The following ATP8B3 variants were observed in gnomAD, a reference collection of about 807,000 sequenced individuals.
The protein encoded by ATP8B3 is ATPase phospholipid transporting 8B3, also known as phospholipid-transporting ATPase IK.
In ATP8B3, 141 loss-of-function variants were observed where a neutral mutation model predicts 140.9. The ratio of observed to expected loss-of-function variants is 1.00; its 90% CI spans 0.87 to 1.15. ATP8B3 has a LOEUF of 1.15. ATP8B3 is among the 50% of genes most tolerant of loss of function. The pLI is 0.00. For missense variants in ATP8B3, 1,874 were observed against 1,740.6 expected (o/e 1.08, Z -1.36); for synonymous variants, 765 against 714.6 (o/e 1.07, Z -1.13).
At chr19:1,802,081 AC>A in intron 11 of ATP8B3, 37 bp from the exon 12 acceptor site, 1 of 888,568 alleles carries the variant, frequency 1.1e-6, no homozygotes. Context: ...CCACCCACCC[AC>A]CCATCCACCC....
chr19:1,797,020 A>G lies in ATP8B3; in HGVS notation c.1553-15T>C. ...TGAATCCGGCCCTGGGGAAAGACAC[A>G]GCTTCCTGCTTCAGCTCCCACAGGC... On this transcript the variant is annotated splice_polypyrimidine_tract_variant and intron_variant, in intron 14 of 28. Transcript: ENST00000310127. 5 of 1,612,940 alleles carry G rather than the reference A, an allele frequency of 3.1e-6. No homozygotes were observed. Among genetic ancestry groups the G allele is most frequent in the Non-Finnish European group, 3.4e-6 (4 of 1,179,772 alleles).
chr19:1,802,077 A>ATC (rs2068861821), intron 11 of ATP8B3, 33 bp from the exon 12 acceptor site: 4 of 930,780 alleles, frequency 4.3e-6, no homozygotes, highest in African/African-American at 8.6e-5. Context: ...CCACCCACCC[A>ATC]CCCACCCATC....
In ATP8B3 at chr19:1,795,773, C is replaced by T. The variant is rs1006356036; in HGVS notation, c.2055+102G>A. On this transcript the variant is annotated intron_variant, in intron 18 of 28. Coordinates refer to ENST00000310127, the MANE Select transcript of ATP8B3 (RefSeq NM_138813.4). The stretch of plus-strand genomic sequence containing the variant: ...ACAGTCTCCTCCCCTGCCTCCTCCT[C>T]CTCCTGTCCCTACACACACACACAC... 6 of 1,184,256 alleles carry T rather than the reference C, an allele frequency of 5.1e-6. No individual in the cohort carries two copies. In the African/African-American group the frequency reaches 9.2e-5, roughly 18 times the overall value. 73.4% of individuals were successfully genotyped at this position (1,184,256 alleles called of 1,614,324 possible). A position where few individuals can be genotyped will look rare whatever the true frequency, so the allele number is the denominator to read the frequency against.
In ATP8B3 at chr19:1,811,744, A is replaced by C. The variant is rs1197966513; in HGVS notation, c.-8T>G. On this transcript the variant is annotated 5_prime_UTR_variant, in exon 2 of 29. An upstream start codon of the reference 5' UTR is lost. Transcript: ENST00000310127. ...AGCGGGGCCAGTGCCCATTCACCGC[A>C]TGAGGAAAAGGGAGGTTCAGGGCGA... is the stretch of plus-strand genomic sequence containing the variant. 1.3e-6 allele frequency: 2 copies of C among 1,580,190 alleles called. No homozygotes were observed. The highest frequency in any genetic ancestry group is 3.4e-5 in the Admixed American group (2 of 58,494).
In ATP8B3 at chr19:1,805,567, G is replaced by T. The variant is rs148050253; in HGVS notation, c.822-111C>A. 3 of 957,250 alleles carry T rather than the reference G, an allele frequency of 3.1e-6. No individual in the cohort carries two copies. The highest frequency in any genetic ancestry group is 3.3e-5 in the African/African-American group (2 of 61,446). The allele number at this position is 957,250 out of a possible 1,614,324, so 59.3% of individuals were successfully genotyped here. Reference sequence around the variant, plus strand: ...ATTTTCACTGAGCACCTACTAGTTCGCCAGCTGCCAGTCAGATGGCTGAGG... The same window carrying T: ...ATTTTCACTGAGCACCTACTAGTTCTCCAGCTGCCAGTCAGATGGCTGAGG... On this transcript the variant is annotated intron_variant, in intron 9 of 28. Coordinates refer to ENST00000310127, the MANE Select transcript of ATP8B3 (RefSeq NM_138813.4). The surrounding 1 kb of genome is among the most constrained non-coding windows in gnomAD (Gnocchi z 5.2).
chr19:1,796,646 G>A lies in ATP8B3; in HGVS notation c.1753+65C>T. The A allele has an allele frequency of 1.9e-6, 3 of 1,547,834 alleles. No individual in the cohort carries two copies. In the South Asian group the frequency reaches 3.6e-5, roughly 18 times the overall value. On this transcript the variant is annotated intron_variant, in intron 16 of 28. Transcript: ENST00000310127. ...GAAGATGGGCCGGGTGAGCTGCGGG[G>A]CTGGGGACACTGCCGTGCCCCGGGG...
chr19:1,807,532 C>G lies in ATP8B3; in HGVS notation c.517-266G>C, dbSNP rs1025992860. On this transcript the variant is annotated intron_variant, in intron 5 of 28. Coordinates refer to ENST00000310127, the MANE Select transcript of ATP8B3 (RefSeq NM_138813.4). This position sits in a 1 kb window ranked among gnomAD's most constrained non-coding sequence, Gnocchi z 5.9. ...AAGCCCAGCTCCCACGGTGCCTTCTCCAGGGAGCCTCCCCCAGCCCCAAGC... is the reference window on the plus strand; with the variant it reads ...AAGCCCAGCTCCCACGGTGCCTTCTGCAGGGAGCCTCCCCCAGCCCCAAGC... Among the ~76,000 whole-genome samples, 7 of 152,182 alleles carry G rather than the reference C, an allele frequency of 4.6e-5. No individual in the cohort carries two copies. The highest frequency in any genetic ancestry group is 1.7e-4 in the African/African-American group (7 of 41,452).
At chr19:1,801,864 T>G (rs1464214392) in intron 12 of ATP8B3, 92 bp downstream of exon 12, 1 of 977,070 alleles carries the variant, frequency 1.0e-6, no homozygotes, top group African/African-American at 1.6e-5. Flanking sequence ...CCGCACATTT[T>G]GCAGAAGAAG....
rs1294296509 is a variant in ATP8B3, at chr19:1,806,734, T to C, written c.616-45A>G. ...ATCAGAGAGACCGTCCAGCCTCTCC[T>C]GCCCCCGCCCAGGCCGCTGCCGCAC... On this transcript the variant is annotated intron_variant, in intron 6 of 28. Coordinates refer to ENST00000310127, the MANE Select transcript of ATP8B3 (RefSeq NM_138813.4). This position sits in a 1 kb window ranked among gnomAD's most constrained non-coding sequence, Gnocchi z 5.6. 4 of 1,543,426 alleles carry C rather than the reference T, an allele frequency of 2.6e-6. No homozygotes were observed. The South Asian group carries it at 4.8e-5, about 18-fold the overall frequency.
intron 21 of ATP8B3, among the ~76,000 whole-genome samples, 179 bp from the exon 22 acceptor site, chr19:1,790,168 C>A: frequency 9.0e-6 from 1 of 111,398 alleles, no homozygotes; most frequent in African/African-American, 3.5e-5. Context: ...CCCTCCCCTT[C>A]CCCTCCACTG....
In ATP8B3 at chr19:1,802,508, A is replaced by G; in HGVS notation, c.1042T>C (p.Tyr348His). The change falls in exon 11 of 29, where the codon TAT (tyrosine) becomes CAT (histidine). Residue 348 changes from tyrosine to histidine, a missense_variant. Physicochemically the swap from Tyr to His is moderately conservative, Grantham distance 83. Around this residue, in one of 3 missense-constraint regions of ATP8B3, gnomAD observed 1,032 missense variants for 963.6 expected, o/e 1.07. Coordinates refer to ENST00000310127, the MANE Select transcript of ATP8B3 (RefSeq NM_138813.4). ...GCRIRNTDTCYGLVIYAGFDT... is the reference protein window; with the variant it reads ...GCRIRNTDTCHGLVIYAGFDT... ...GTACCAGCATAAATGACCAGTCCAT[A>G]GCAGGTGTCTGTGTTGCGAATCCTG... is the stretch of plus-strand genomic sequence containing the variant. 6.3e-7 allele frequency: 1 copy of G among 1,598,330 alleles called. No homozygotes were observed.
chr19:1,789,856 C>T (rs1255047407), intron 22 of ATP8B3, 34 bp downstream of exon 22: 4 of 1,607,362 alleles, frequency 2.5e-6, no homozygotes, highest in African/African-American at 2.7e-5. Context: ...TCCCTGGCGC[C>T]GGGACCCCGC....
chr19:1,785,075 G>A (rs527951485), intron 27 of ATP8B3, 84 bp downstream of exon 27: 23 of 1,481,680 alleles, frequency 1.6e-5, no homozygotes, highest in African/African-American at 2.8e-5. Context: ...TTTGCCGGAC[G>A]ACTGTCATGA....
intron 18 of ATP8B3, among the ~76,000 whole-genome samples, chr19:1,792,751 G>A (rs867825288): frequency 2.5e-4 from 38 of 151,312 alleles, no homozygotes; most frequent in African/African-American, 8.5e-4. Context: ...GTCTCCACTC[G>A]AAACACATAA....
rs2068980458 is a variant in ATP8B3 at position 1,805,446 on chromosome 19, A to G, written c.832T>C (p.Leu278=). 2.6e-6 allele frequency: 4 copies of G among 1,562,932 alleles called. No homozygotes were observed. Among genetic ancestry groups the G allele is most frequent in the African/African-American group, 2.7e-5 (2 of 73,906 alleles). ...ETVDIDGETN[L]KFRQALMVTH... Reference sequence around the variant, plus strand: ...ACCATCAGGGCCTGTCTGAACTTCAAGTTGGTCTCCCTGGTGACGAGGAGA... The same window carrying G: ...ACCATCAGGGCCTGTCTGAACTTCAGGTTGGTCTCCCTGGTGACGAGGAGA... Residue 278 remains leucine, a synonymous_variant, in exon 10 of 29, where the codon TTG becomes CTG. Transcript: ENST00000310127. This position sits in a 1 kb window ranked among gnomAD's most constrained non-coding sequence, Gnocchi z 5.2.
chr19:1,782,970 A>T lies in ATP8B3; in HGVS notation c.*58T>A. On this transcript the variant is annotated 3_prime_UTR_variant, in exon 29 of 29. Coordinates refer to ENST00000310127, the MANE Select transcript of ATP8B3 (RefSeq NM_138813.4). ...GGGGGGAGCTGTACTTCCTGGGAGG[A>T]CACCTGCCCCTGTGGCTGGTGCTTC... 3.2e-6 allele frequency: 5 copies of T among 1,547,500 alleles called. No individual in the cohort carries two copies. The highest frequency in any genetic ancestry group is 4.4e-6 in the Non-Finnish European group (5 of 1,144,014).
intron 18 of ATP8B3, among the ~76,000 whole-genome samples, chr19:1,793,635 G>A (rs1250680487): frequency 6.6e-6 from 1 of 152,230 alleles, no homozygotes; most frequent in African/African-American, 2.4e-5. Flanking sequence ...AGGGTGGTCG[G>A]GGGGTCCCCA....
In ATP8B3 at chr19:1,806,079, G is replaced by C; in HGVS notation, c.750+18C>G. ...GGGGGCGCGTGGTTCTGGGACCTCGGGGTCAACCCCAGCTCACTGGGACGA... is the reference window on the plus strand; with the variant it reads ...GGGGGCGCGTGGTTCTGGGACCTCGCGGTCAACCCCAGCTCACTGGGACGA... On this transcript the variant is annotated intron_variant, in intron 8 of 28. Coordinates refer to ENST00000310127, the MANE Select transcript of ATP8B3 (RefSeq NM_138813.4). The surrounding 1 kb of genome is among the most constrained non-coding windows in gnomAD (Gnocchi z 5.6). 1 of 1,601,960 alleles carries C rather than the reference G, an allele frequency of 6.2e-7. No homozygotes were observed. Among genetic ancestry groups the C allele is most frequent in the Non-Finnish European group, 8.5e-7 (1 of 1,174,842 alleles).
chr19:1,807,102 G>T lies in ATP8B3; in HGVS notation c.615+66C>A. 1 of 1,422,480 alleles carries T rather than the reference G, an allele frequency of 7.0e-7. No individual in the cohort carries two copies. Among genetic ancestry groups the T allele is most frequent in the Non-Finnish European group, 9.9e-7 (1 of 1,011,256 alleles). 88.1% of individuals were successfully genotyped at this position (1,422,480 alleles called of 1,614,324 possible). On this transcript the variant is annotated intron_variant, in intron 6 of 28. Transcript: ENST00000310127. This position sits in a 1 kb window ranked among gnomAD's most constrained non-coding sequence, Gnocchi z 5.9. ...CAGCCCTCCTCCCACTCTCGCCCAG[G>T]GATCAAGAGACCCCCCCGACCGGCC...
Sources: gnomAD v4.1 joint callset for allele counts (sites outside exome capture counted in the v4.1 genomes callset) on GRCh38, gnomAD v4.1.1 for gene constraint, gnomAD v4.1.1 regional missense constraint, Gnocchi (gnomAD v3.1) non-coding constraint, MANE v1.5 for transcripts, NCBI Gene and HGNC (gene_info 2026-07-23, HGNC 2026-07-21) for gene names.